Variants in DHRS4L2 observed in about 807,000 individuals in gnomAD.
DHRS4L2 encodes the protein dehydrogenase/reductase SDR family member 4-like 2.
In DHRS4L2, 22 loss-of-function variants were observed where a neutral mutation model predicts 23.9. The ratio of observed to expected loss-of-function variants is 0.92; its 90% CI spans 0.66 to 1.31. The LOEUF (loss-of-function observed/expected upper bound fraction) is 1.31. Among genes scored for constraint, DHRS4L2 ranks in the 40% most tolerant of loss-of-function variants. The pLI is 0.00. For missense variants in DHRS4L2, 385 were observed against 303.3 expected, an observed-to-expected ratio of 1.27 and a Z score of -2.00; for synonymous variants, 141 against 123.7, an observed-to-expected ratio of 1.14 and a Z score of -0.93.
At chr14:23,986,009 G>A (rs769094728), upstream of DHRS4L2, among the ~76,000 whole-genome samples, 5 of 151,402 alleles carry the variant, frequency 3.3e-5, no homozygotes, top group Admixed American at 6.6e-5. Context: ...TCAAACTCCA[G>A]ACCACACCCG....
At chr14:23,969,925 C>G (rs1471390085) in exon 1 of DHRS4L2, 1 of 448,444 alleles carries the variant, frequency 2.2e-6, no homozygotes. Flanking sequence ...CGCTCCAAGG[C>G]CCGGTGGGGG....
chr14:23,992,326 C>G (rs994750494), intron 2 of DHRS4L2, among the ~76,000 whole-genome samples: 1 of 151,400 alleles, frequency 6.6e-6, no homozygotes, highest in Non-Finnish European at 1.5e-5. Flanking sequence ...ATTTTCCAAC[C>G]CCATGTCAAA....
rs2034081579 is a variant in DHRS4L2, at chr14:23,983,097, C to A, written c.-175-7085C>A. The stretch of plus-strand genomic sequence containing the variant: ...ACTATCGTCAGAGTGAACAGGCAAC[C>A]CACAGAATGGAAGAAAATTCTTGCA... On this transcript the variant is annotated intron_variant, in intron 1 of 5. Coordinates refer to the DHRS4L2 transcript ENST00000534993. Among the ~76,000 whole-genome samples, 2 of 151,554 alleles carry A rather than the reference C, an allele frequency of 1.3e-5. 1 individual carries two copies. Among genetic ancestry groups the A allele is most frequent in the South Asian group, 4.2e-4 (2 of 4,796 alleles).
At chr14:23,970,203 C>T (rs1469385149) in exon 1 of DHRS4L2, 9 of 454,762 alleles carry the variant, frequency 2.0e-5, no homozygotes, top group Admixed American at 9.4e-5. Flanking sequence ...ACGTTCCTTC[C>T]GGCCCTGCAC....
exon 1 of DHRS4L2, chr14:23,969,942 C>T (rs61999781): frequency 0.15 from 65,900 of 450,490 alleles, 3,719 homozygotes; most frequent in East Asian, 0.29. Flanking sequence ...GGGGGAGGGG[C>T]GCTCACGCAA....
chr14:23,992,343 G>A (rs1203826154), intron 2 of DHRS4L2, among the ~76,000 whole-genome samples: 1 of 151,574 alleles, frequency 6.6e-6, no homozygotes, highest in Non-Finnish European at 1.5e-5. Context: ...CAAAAAGTGG[G>A]AAATAGAGAA....
At chr14:24,000,412 A>G (rs2034462651) in intron 3 of DHRS4L2, among the ~76,000 whole-genome samples, 2 of 150,810 alleles carry the variant, frequency 1.3e-5, no homozygotes, top group East Asian at 1.9e-4. Flanking sequence ...AGAACATCTC[A>G]CTCCCTAAGC....
intron 1 of DHRS4L2, among the ~76,000 whole-genome samples, chr14:23,972,674 A>T (rs555712546): frequency 2.0e-5 from 3 of 152,116 alleles, no homozygotes; most frequent in Non-Finnish European, 2.9e-5. Flanking sequence ...TAGAGAAACA[A>T]CAGTGAGTCC....
intron 2 of DHRS4L2, among the ~76,000 whole-genome samples, chr14:23,994,322 C>G (rs1220569326): frequency 6.6e-6 from 1 of 151,668 alleles, no homozygotes; most frequent in East Asian, 1.9e-4. Flanking sequence ...AATGAAGGAG[C>G]TTTCCAAAGG....
intron 7 of DHRS4L2, 83 bp from the exon 8 acceptor site, chr14:24,005,803 G>A: frequency 6.4e-7 from 1 of 1,563,070 alleles, no homozygotes; most frequent in Non-Finnish European, 8.7e-7. Flanking sequence ...TCTTGATTAA[G>A]CAAATTTAAC....
At chr14:23,971,538 C>T (rs1424123972) in intron 1 of DHRS4L2, among the ~76,000 whole-genome samples, 1 of 151,992 alleles carries the variant, frequency 6.6e-6, no homozygotes, top group Non-Finnish European at 1.5e-5. Context: ...CCCCAAGACA[C>T]ATAATTGTCA....
Position 23,990,216 on chromosome 14 carries a change from G to C in DHRS4L2, c.163G>C (p.Asp55His). Residue 55 changes from aspartate to histidine, a missense_variant, in exon 2 of 8, where the codon GAC (aspartate) becomes CAC (histidine). Asp to His is a moderately conservative substitution (Grantham distance 81). Coordinates refer to ENST00000335125, the MANE Select transcript of DHRS4L2 (RefSeq NM_198083.4). ...CGCCATCGCCCGGCGTTTGGCCCAG[G>C]ACAGGGCCCACGTGGTCGTCAGCAG... ...GFAIARRLAQ[D>H]RAHVVVSSRK... The C allele has an allele frequency of 6.2e-7, 1 of 1,612,884 alleles. No individual in the cohort carries two copies. Among genetic ancestry groups the C allele is most frequent in the Non-Finnish European group, 8.5e-7 (1 of 1,179,380 alleles).
intron 1 of DHRS4L2, among the ~76,000 whole-genome samples, chr14:23,975,080 G>T (rs1228361152): frequency 6.6e-6 from 1 of 151,680 alleles, no homozygotes; most frequent in Non-Finnish European, 1.5e-5. Context: ...GGAAGTTCTG[G>T]CCAGGGCAAT....
chr14:23,991,198 G>C (rs1222428770), intron 2 of DHRS4L2, among the ~76,000 whole-genome samples: 1 of 151,704 alleles, frequency 6.6e-6, no homozygotes, highest in East Asian at 1.9e-4. Flanking sequence ...TCTTAGAAGA[G>C]GAGGATCTTA....
At chr14:23,970,169 G>A (rs922028701) in exon 1 of DHRS4L2, 7 of 455,530 alleles carry the variant, frequency 1.5e-5, no homozygotes, top group African/African-American at 6.1e-5. Context: ...GGGACGCCCC[G>A]TCTGGTAGCA....
chr14:24,001,358 T>A, intron 5 of DHRS4L2, 26 bp from the exon 6 acceptor site: 1 of 1,598,730 alleles, frequency 6.3e-7, no homozygotes, highest in Non-Finnish European at 8.5e-7. Context: ...AAACTATGAG[T>A]CTAACACATT....
chr14:23,999,362 A>AC (rs1354537872), intron 3 of DHRS4L2, among the ~76,000 whole-genome samples: 5 of 128,272 alleles, frequency 3.9e-5, no homozygotes, highest in East Asian at 2.9e-4. Flanking sequence ...AAAAAAAAAA[A>AC]AAAAAAAAAA....
At chr14:23,976,433 A>G (rs1269932440) in intron 1 of DHRS4L2, among the ~76,000 whole-genome samples, 1 of 151,840 alleles carries the variant, frequency 6.6e-6, no homozygotes. Flanking sequence ...TAGAATGGCA[A>G]CATTAAAAAG....
At chr14:23,971,565 G>A (rs570424767) in intron 1 of DHRS4L2, among the ~76,000 whole-genome samples, 1 of 151,986 alleles carries the variant, frequency 6.6e-6, no homozygotes, top group Admixed American at 6.6e-5. Flanking sequence ...GCAAGGTTAA[G>A]GGCAGCCAGA....
Sources: allele counts gnomAD v4.1 joint callset (sites outside exome capture counted in the v4.1 genomes callset), GRCh38; gene constraint gnomAD v4.1.1; transcripts MANE v1.5; gene names NCBI Gene and HGNC (gene_info 2026-07-23, HGNC 2026-07-21).